Variants in ADCY5 observed in about 807,000 individuals in gnomAD.
ADCY5 encodes the protein adenylate cyclase 5, also known as adenylate cyclase type 5.
In ADCY5, 30 loss-of-function variants were observed where a neutral mutation model predicts 119.7. The ratio of observed to expected loss-of-function variants is 0.25; its 90% confidence interval spans 0.19 to 0.34. ADCY5 has a LOEUF of 0.34. ADCY5 is among the 10% of genes least tolerant of loss of function. The pLI is 1.00. For synonymous variants in ADCY5, 753 were observed against 762.2 expected (o/e 0.99, Z 0.20); for missense variants, 1,324 against 1,775.2 (o/e 0.75, Z 4.57).
chr3:123,368,078 A>G (rs1943513201), intron 1 of ADCY5: 1 of 1,431,984 alleles, frequency 7.0e-7, no homozygotes, highest in African/African-American at 1.4e-5. Context: ...ATTCAGTGAG[A>G]GGAGTGCTAT....
At chr3:123,363,230 T>C (rs1207025632) in intron 1 of ADCY5, among the ~76,000 whole-genome samples, 1 of 143,328 alleles carries the variant, frequency 7.0e-6, no homozygotes, top group Non-Finnish European at 1.5e-5. Flanking sequence ...AAAATACAAA[T>C]GACTTATAAA....
Position 123,282,343 on chromosome 3 carries a change from A to T in ADCY5, c.*2265T>A, listed in dbSNP as rs1275359101. 1 of 152,270 alleles carries T rather than the reference A, an allele frequency of 6.6e-6. No individual in the cohort carries two copies. Among genetic ancestry groups the T allele is most frequent in the African/African-American group, 2.4e-5 (1 of 41,464 alleles). The allele number at this position is 152,270 out of a possible 1,614,324, so 9.4% of individuals were successfully genotyped here. ...GTTAAATTATTTAAATAGACTTTTC[A>T]ATTTCCATGGGAAATCATAATCGTA... On this transcript the variant is annotated 3_prime_UTR_variant, in exon 21 of 21. Transcript: ENST00000462833.
chr3:123,353,735 C>A (rs1004107676), intron 1 of ADCY5, among the ~76,000 whole-genome samples: 43 of 152,254 alleles, frequency 2.8e-4, no homozygotes, highest in Middle Eastern at 3.4e-3. Context: ...CTGGCAGTGG[C>A]CCTGGCAGAT....
chr3:123,374,526 A>C (rs1448619303), intron 1 of ADCY5, among the ~76,000 whole-genome samples: 1 of 152,220 alleles, frequency 6.6e-6, no homozygotes, highest in Non-Finnish European at 1.5e-5. Flanking sequence ...GACAAAAAGA[A>C]AGTGAGGCAC....
chr3:123,294,606 C>T (rs926456811), intron 17 of ADCY5, among the ~76,000 whole-genome samples: 14 of 152,150 alleles, frequency 9.2e-5, no homozygotes, highest in African/African-American at 3.4e-4. Context: ...GTAACAAGTT[C>T]TTTAAGATTG....
intron 10 of ADCY5, 137 bp from the exon 11 acceptor site, chr3:123,318,254 G>A (rs561206543): frequency 9.4e-6 from 6 of 635,902 alleles, no homozygotes; most frequent in South Asian, 7.1e-5. Context: ...GGGAAGACTC[G>A]AGAACCAGAG....
chr3:123,342,608 GT>G (rs1206449574), intron 3 of ADCY5, among the ~76,000 whole-genome samples: 5 of 152,182 alleles, frequency 3.3e-5, no homozygotes, highest in African/African-American at 9.7e-5. Context: ...TGCGGGGAAT[GT>G]TTCTTAGGCA....
intron 1 of ADCY5, among the ~76,000 whole-genome samples, chr3:123,359,880 C>G (rs1379519725): frequency 6.6e-6 from 1 of 152,254 alleles, no homozygotes; most frequent in South Asian, 2.1e-4. Context: ...CTTCCTTCCT[C>G]CTACACTGGA....
intron 1 of ADCY5, among the ~76,000 whole-genome samples, chr3:123,358,195 T>TGTGTGTGTGTATGTGTGTGTGA (rs58986112): frequency 1.2e-4 from 18 of 149,198 alleles, no homozygotes; most frequent in African/African-American, 3.2e-4. Context: ...TGTGTGTGTG[T>TGTGTGTGTGTATGTGTGTGTGA]AGGGAGTTGG....
chr3:123,358,930 T>C (rs1559835019), intron 1 of ADCY5, among the ~76,000 whole-genome samples: 1 of 152,168 alleles, frequency 6.6e-6, no homozygotes, highest in Non-Finnish European at 1.5e-5. Context: ...GGCACTGTGA[T>C]CGTTTCTGCC....
chr3:123,389,690 T>C (rs1207075444), intron 1 of ADCY5, among the ~76,000 whole-genome samples: 1 of 152,028 alleles, frequency 6.6e-6, no homozygotes, highest in African/African-American at 2.4e-5. Context: ...ACCCTGAGGT[T>C]AGAAAAACCT....
intron 1 of ADCY5, among the ~76,000 whole-genome samples, chr3:123,420,857 G>A (rs1227491480): frequency 2.0e-5 from 3 of 152,176 alleles, no homozygotes; most frequent in African/African-American, 7.2e-5. Context: ...TCCTTCTGAG[G>A]GCTGTTTCCC....
At position 123,304,053 on chromosome 3, in the gene ADCY5, G is replaced by C; in HGVS notation, c.2559+14C>G. 1 of 1,568,038 alleles carries C rather than the reference G, an allele frequency of 6.4e-7. No homozygotes were observed. The highest frequency in any genetic ancestry group is 8.8e-7 in the Non-Finnish European group (1 of 1,138,198). On this transcript the variant is annotated intron_variant, in intron 13 of 20. Transcript: ENST00000462833. ...GGGGCTGCGGAGGTGCTAGGAGGTC[G>C]TGCAGCCACCCACCATGTTGACAAA...
chr3:123,333,445 G>A (rs1941872432), intron 3 of ADCY5, among the ~76,000 whole-genome samples: 1 of 152,268 alleles, frequency 6.6e-6, no homozygotes, highest in Admixed American at 6.5e-5. Flanking sequence ...AGCTCCCTGG[G>A]CCTGAGAGGG....
At chr3:123,338,997 T>C (rs1942155961) in intron 3 of ADCY5, among the ~76,000 whole-genome samples, 1 of 152,242 alleles carries the variant, frequency 6.6e-6, no homozygotes, top group African/African-American at 2.4e-5. Context: ...TCTGATCTCC[T>C]GCAGCCCCTG....
chr3:123,375,024 G>T (rs76232157), intron 1 of ADCY5, among the ~76,000 whole-genome samples: 375 of 152,258 alleles, frequency 2.5e-3, no homozygotes, highest in African/African-American at 8.7e-3. Flanking sequence ...TGCAGCCCAG[G>T]TCTTCACAAA....
intron 1 of ADCY5, among the ~76,000 whole-genome samples, chr3:123,397,006 G>A (rs1302337836): frequency 6.6e-6 from 1 of 152,086 alleles, no homozygotes; most frequent in Non-Finnish European, 1.5e-5. Context: ...AAGGAAGAAA[G>A]GTCCCGCCGA....
At chr3:123,334,961 T>C (rs1005689787) in intron 3 of ADCY5, among the ~76,000 whole-genome samples, 1 of 152,168 alleles carries the variant, frequency 6.6e-6, no homozygotes, top group Non-Finnish European at 1.5e-5. Context: ...TTCCCATGCT[T>C]TGACATCCAA....
chr3:123,390,576 G>A (rs1379345539), intron 1 of ADCY5, among the ~76,000 whole-genome samples: 1 of 152,220 alleles, frequency 6.6e-6, no homozygotes, highest in Admixed American at 6.5e-5. Flanking sequence ...ATTTTTCAGA[G>A]GCCCAAAGGA....
Sources: allele counts gnomAD v4.1 joint callset (sites outside exome capture counted in the v4.1 genomes callset), GRCh38; gene constraint gnomAD v4.1.1; transcripts MANE v1.5; gene names NCBI Gene and HGNC (gene_info 2026-07-23, HGNC 2026-07-21).